Variants in CHP1 observed in about 807,000 individuals in gnomAD.
CHP1 encodes the protein calcineurin B homologous protein 1.
CHP1 carries 11 observed loss-of-function variants against 27.4 expected under a neutral mutation model. That is an observed-to-expected ratio of 0.40 (90% CI 0.25 to 0.67). The LOEUF (loss-of-function observed/expected upper bound fraction) is 0.67, where lower values mean the gene tolerates loss of function less well. CHP1 is among the 30% of genes least tolerant of loss of function. The pLI, the probability that CHP1 is intolerant of heterozygous loss-of-function variation, is 0.38. For synonymous variants in CHP1, 89 were observed against 87.4 expected, an observed-to-expected ratio of 1.02 and a Z score of -0.10; for missense variants, 169 against 251.3, an observed-to-expected ratio of 0.67 and a Z score of 2.22.
chr15:41,265,575 G>A (rs897647059), intron 4 of CHP1, among the ~76,000 whole-genome samples: 1 of 151,354 alleles, frequency 6.6e-6, no homozygotes, highest in African/African-American at 2.4e-5. Context: ...GCTGGGCGTG[G>A]TGGCGGGCGC....
At chr15:41,272,915 G>A (rs886384939) in intron 5 of CHP1, among the ~76,000 whole-genome samples, 1 of 151,934 alleles carries the variant, frequency 6.6e-6, no homozygotes, top group Non-Finnish European at 1.5e-5. Context: ...AAATTAGCCG[G>A]GCATGGTGGT....
intron 3 of CHP1, among the ~76,000 whole-genome samples, chr15:41,258,907 G>A (rs949916711): frequency 2.6e-5 from 4 of 152,186 alleles, no homozygotes; most frequent in African/African-American, 7.2e-5. Flanking sequence ...TGAGAGCAAA[G>A]GAATTTGCTA....
intron 1 of CHP1, among the ~76,000 whole-genome samples, chr15:41,234,804 T>C (rs1055165340): frequency 2.0e-5 from 3 of 152,148 alleles, no homozygotes; most frequent in African/African-American, 7.2e-5. Flanking sequence ...TTTTGAACCA[T>C]AGTTAACAAT....
rs2047542305 is a variant in CHP1 at position 41,280,883 on chromosome 15, G to A, written c.*1494G>A. 6.6e-6 allele frequency: 1 copy of A among 151,142 alleles called. No individual in the cohort carries two copies. The highest frequency in any genetic ancestry group is 2.4e-5 in the African/African-American group (1 of 41,052). 9.4% of individuals were successfully genotyped at this position (151,142 alleles called of 1,614,324 possible). A position where few individuals can be genotyped will look rare whatever the true frequency, so the allele number is the denominator to read the frequency against. ...GCACAAAATTCTTTTTTTTGAGATG[G>A]AGTCTCACTCTGTCACCCAGGCTGG... On this transcript the variant is annotated 3_prime_UTR_variant, in exon 7 of 7. Coordinates refer to ENST00000334660, the MANE Select transcript of CHP1 (RefSeq NM_007236.5).
At chr15:41,271,300 T>C (rs906212712) in intron 5 of CHP1, among the ~76,000 whole-genome samples, 1 of 143,978 alleles carries the variant, frequency 6.9e-6, no homozygotes, top group African/African-American at 2.6e-5. Context: ...TGGTGGTGGG[T>C]GCCTGTAATC....
intron 2 of CHP1, among the ~76,000 whole-genome samples, chr15:41,252,654 G>A (rs1361557768): frequency 4.6e-5 from 7 of 152,114 alleles, no homozygotes; most frequent in Admixed American, 6.6e-5. Flanking sequence ...GCAGTATAGA[G>A]GGATGGCATG....
chr15:41,278,712 A>G, intron 5 of CHP1, 55 bp from the exon 6 acceptor site: 1 of 1,609,332 alleles, frequency 6.2e-7, no homozygotes, highest in Non-Finnish European at 8.5e-7. Flanking sequence ...TAATCTTAGT[A>G]AAGAGTCCCT....
intron 4 of CHP1, among the ~76,000 whole-genome samples, chr15:41,266,649 T>C (rs1188189189): frequency 6.6e-6 from 1 of 152,114 alleles, no homozygotes; most frequent in Non-Finnish European, 1.5e-5. Context: ...CATCGACAGA[T>C]GAATGGATAA....
At position 41,247,369 on chromosome 15, in the gene CHP1, T is replaced by TA. The variant is rs201872245; in HGVS notation, c.140+3644dup. On this transcript the variant is annotated intron_variant, in intron 2 of 6. Coordinates refer to ENST00000334660, the MANE Select transcript of CHP1 (RefSeq NM_007236.5). ...GGGCAACACAGTGAGATCCTGCCTTTAAAAAAAAAAAAAATTCTGGCCGGT... is the reference window on the plus strand; with the variant it reads ...GGGCAACACAGTGAGATCCTGCCTTTAAAAAAAAAAAAAAATTCTGGCCGGT... Among the ~76,000 whole-genome samples, 713 of 138,960 alleles carry TA rather than the reference T, an allele frequency of 5.1e-3. 11 individuals are homozygous for TA. The highest frequency in any genetic ancestry group is 0.017 in the African/African-American group (620 of 37,536). The allele number at this position is 138,960 out of a possible 152,430, so 91.2% of individuals were successfully genotyped here. A position where few individuals can be genotyped will look rare whatever the true frequency, so the allele number is the denominator to read the frequency against.
chr15:41,270,645 G>A, intron 5 of CHP1, 27 bp downstream of exon 5: 1 of 1,575,584 alleles, frequency 6.3e-7, no homozygotes, highest in Non-Finnish European at 8.7e-7. Context: ...TCGAGAACTT[G>A]TGCTTGGACT....
intron 1 of CHP1, among the ~76,000 whole-genome samples, chr15:41,237,084 G>C (rs2047280920): frequency 1.3e-5 from 2 of 151,566 alleles, no homozygotes; most frequent in Non-Finnish European, 2.9e-5. Flanking sequence ...ACCCACTTCA[G>C]CCTCCCAAAG....
At chr15:41,265,685 T>A (rs1447204254) in intron 4 of CHP1, among the ~76,000 whole-genome samples, 1 of 147,154 alleles carries the variant, frequency 6.8e-6, no homozygotes, top group Non-Finnish European at 1.5e-5. Context: ...CTCTCCAGCC[T>A]GGGCAACAGA....
At chr15:41,274,610 C>A (rs527246101) in intron 5 of CHP1, among the ~76,000 whole-genome samples, 2 of 151,954 alleles carry the variant, frequency 1.3e-5, no homozygotes, top group Non-Finnish European at 2.9e-5. Context: ...GACCCTCCGA[C>A]TCACACTATA....
At position 41,281,481 on chromosome 15, in the gene CHP1, T is replaced by A. The variant is rs2047545688; in HGVS notation, c.*2092T>A. The stretch of plus-strand genomic sequence containing the variant: ...GTGTATTTAGCCACACATCTGCCCT[T>A]GGTTGACTTTCTGACTCATTGCTTG... On this transcript the variant is annotated 3_prime_UTR_variant, in exon 7 of 7. Transcript: ENST00000334660. 1 of 152,796 alleles carries A rather than the reference T, an allele frequency of 6.5e-6. No homozygotes were observed. Among genetic ancestry groups the A allele is most frequent in the East Asian group, 1.9e-4 (1 of 5,188 alleles). The allele number at this position is 152,796 out of a possible 1,614,324, so 9.5% of individuals were successfully genotyped here.
rs1172057820 is a variant in CHP1, at chr15:41,262,775, C to T, written c.241C>T (p.Arg81Cys). 8 of 1,612,704 alleles carry T rather than the reference C, an allele frequency of 5.0e-6. No individual in the cohort carries two copies. The highest frequency in any genetic ancestry group is 3.3e-5 in the Admixed American group (2 of 59,942). ...FPEGEDQVNFRGFMRTLAHFR... is the reference protein window; with the variant it reads ...FPEGEDQVNFCGFMRTLAHFR... ...AATCAGAGAGGACCAGGTAAACTTC[C>T]GTGGATTCATGCGAACTTTGGCTCA... Residue 81 changes from arginine to cysteine, a missense_variant, in exon 4 of 7, where the codon CGT becomes TGT. Transcript: ENST00000334660.
chr15:41,259,525 C>CTTTT (rs535457262), intron 3 of CHP1, among the ~76,000 whole-genome samples: 3 of 116,026 alleles, frequency 2.6e-5, no homozygotes, highest in Non-Finnish European at 5.4e-5. Flanking sequence ...CACATTGGGG[C>CTTTT]TTTTTTTTTT....
intron 2 of CHP1, among the ~76,000 whole-genome samples, chr15:41,252,185 T>TC (rs1333962157): frequency 6.6e-6 from 1 of 152,056 alleles, no homozygotes; most frequent in East Asian, 1.9e-4. Context: ...CTTTTCTTTT[T>TC]TTTTTTTGAG....
At chr15:41,248,942 C>T (rs2047349758) in intron 2 of CHP1, among the ~76,000 whole-genome samples, 1 of 152,122 alleles carries the variant, frequency 6.6e-6, no homozygotes, top group Non-Finnish European at 1.5e-5. Context: ...AGCCTGTGGC[C>T]ATCCGATTAA....
chr15:41,256,398 A>G (rs1170068636), intron 2 of CHP1, among the ~76,000 whole-genome samples: 2 of 152,218 alleles, frequency 1.3e-5, no homozygotes, highest in East Asian at 1.9e-4. Context: ...AGTCAGAACA[A>G]GGAAATCAAT....
Sources: allele counts gnomAD v4.1 joint callset (sites outside exome capture counted in the v4.1 genomes callset), GRCh38; gene constraint gnomAD v4.1.1; transcripts MANE v1.5; gene names NCBI Gene and HGNC (gene_info 2026-07-23, HGNC 2026-07-21).